MRO: variants seen among roughly 807,000 people sequenced by gnomAD.
MRO encodes maestro.
Under a neutral mutation model 31.0 loss-of-function variants are expected in MRO, and 28 were observed. The observed-to-expected ratio is 0.90, with a 90% confidence interval of 0.67 to 1.24. The LOEUF (loss-of-function observed/expected upper bound fraction) is 1.24. Among genes scored for constraint, MRO ranks in the 50% most tolerant of loss-of-function variants. The probability of loss-of-function intolerance (pLI) is 0.00; values close to 1 mark genes in which losing one functional copy is unlikely to be tolerated. For synonymous variants in MRO, 108 were observed against 108.4 expected, an observed-to-expected ratio of 1.00 and a Z score of 0.02; for missense variants, 332 against 289.2, an observed-to-expected ratio of 1.15 and a Z score of -1.07.
rs1161818079 is a variant in MRO, at chr18:50,798,488, G to A, written c.*849C>T. 1 of 152,152 alleles carries A rather than the reference G, an allele frequency of 6.6e-6. No individual in the cohort carries two copies. Among genetic ancestry groups the A allele is most frequent in the Non-Finnish European group, 1.5e-5 (1 of 68,036 alleles). 9.4% of individuals were successfully genotyped at this position (152,152 alleles called of 1,614,324 possible). On this transcript the variant is annotated 3_prime_UTR_variant, in exon 8 of 8. Coordinates refer to ENST00000398439, the MANE Select transcript of MRO (RefSeq NM_031939.6). ...TCAAGAAGTCAGACCGTACATGTTT[G>A]AATTCCAGCTCCACTGTTTACTGAG...
chr18:50,805,051 A>G (rs3764485), intron 5 of MRO, 103 bp downstream of exon 5: 96,809 of 958,508 alleles, frequency 0.1, 6,134 homozygotes, highest in South Asian at 0.23. Context: ...TCGGCCTCCC[A>G]AAGTGCTGAG....
At position 50,806,864 on chromosome 18, in the gene MRO, CAAAAATGTATTAAT is replaced by C; in HGVS notation, c.100-28_100-15del. The C allele has an allele frequency of 6.2e-7, 1 of 1,612,958 alleles. No homozygotes were observed. The highest frequency in any genetic ancestry group is 8.5e-7 in the Non-Finnish European group (1 of 1,179,510). On this transcript the variant is annotated splice_polypyrimidine_tract_variant and intron_variant, in intron 3 of 7. Transcript: ENST00000398439. ...TTTCCAAGAGACCTGGGTGATGGGTCAAAAATGTATTAATTTGGGAGTGTTCAGAGTCATACCAA... is the reference window on the plus strand; with the variant it reads ...TTTCCAAGAGACCTGGGTGATGGGTCTTGGGAGTGTTCAGAGTCATACCAA...
chr18:50,806,990 G>T, intron 3 of MRO, 140 bp from the exon 4 acceptor site: 1 of 830,520 alleles, frequency 1.2e-6, no homozygotes, highest in Non-Finnish European at 1.9e-6. Flanking sequence ...AGACGGCTGG[G>T]TTTTGTTGGA....
intron 2 of MRO, 129 bp downstream of exon 2, chr18:50,819,452 T>C: frequency 6.9e-7 from 1 of 1,445,614 alleles, no homozygotes; most frequent in Non-Finnish European, 9.1e-7. Context: ...CATTACCAAA[T>C]CCTACCCCCT....
In MRO at chr18:50,799,186, AT is replaced by A; in HGVS notation, c.*150del. ...ATAAAATCATACAATTCCATGTATT[AT>A]TTTTGCCTTTGATTGCTCTCCCAGC... On this transcript the variant is annotated 3_prime_UTR_variant, in exon 8 of 8. Transcript: ENST00000398439. 1 of 641,504 alleles carries A rather than the reference AT, an allele frequency of 1.6e-6. No individual in the cohort carries two copies. Among genetic ancestry groups the A allele is most frequent in the Non-Finnish European group, 2.8e-6 (1 of 354,182 alleles). The allele number at this position is 641,504 out of a possible 1,614,324, so 39.7% of individuals were successfully genotyped here.
chr18:50,814,006 T>G (rs564861869), intron 2 of MRO, among the ~76,000 whole-genome samples: 12 of 152,094 alleles, frequency 7.9e-5, no homozygotes, highest in Admixed American at 7.2e-4. Context: ...TTAAAAATTT[T>G]AAATTCACAT....
Position 50,799,199 on chromosome 18 carries a change from A to T in MRO, c.*138T>A. 3 of 715,420 alleles carry T rather than the reference A, an allele frequency of 4.2e-6. No individual in the cohort carries two copies. The highest frequency in any genetic ancestry group is 3.5e-5 in the South Asian group (2 of 57,400). The allele number at this position is 715,420 out of a possible 1,614,324, so 44.3% of individuals were successfully genotyped here. On this transcript the variant is annotated 3_prime_UTR_variant, in exon 8 of 8. Coordinates refer to ENST00000398439, the MANE Select transcript of MRO (RefSeq NM_031939.6). ...ATTCCATGTATTATTTTTGCCTTTG[A>T]TTGCTCTCCCAGCACCCTCTTTCCC...
intron 2 of MRO, among the ~76,000 whole-genome samples, chr18:50,810,405 T>C (rs1914376343): frequency 6.6e-6 from 1 of 152,224 alleles, no homozygotes; most frequent in African/African-American, 2.4e-5. Flanking sequence ...GTGTACAGTA[T>C]GTTACTACTC....
intron 2 of MRO, among the ~76,000 whole-genome samples, chr18:50,812,375 T>C (rs1914547387): frequency 6.6e-6 from 1 of 152,218 alleles, no homozygotes; most frequent in Non-Finnish European, 1.5e-5. Context: ...TGTCTTTTTC[T>C]GAGTTGTAAG....
rs1915025226 is a variant in MRO at position 50,817,489 on chromosome 18, T to A, written c.-5+2092A>T. Among the ~76,000 whole-genome samples, 3 of 147,004 alleles carry A rather than the reference T, an allele frequency of 2.0e-5. No individual in the cohort carries two copies. In the East Asian group the frequency reaches 6.0e-4, roughly 29 times the overall value. On this transcript the variant is annotated intron_variant, in intron 2 of 7. Coordinates refer to ENST00000398439, the MANE Select transcript of MRO (RefSeq NM_031939.6). ...GCTGGGTTGACAGAGCAAGATCCTG[T>A]CTCTAAAAAATAAAAATAAATAATA... is the stretch of plus-strand genomic sequence containing the variant.
chr18:50,806,772 G>C lies in MRO; in HGVS notation c.178C>G (p.Pro60Ala). ...FFILAERARD[P>A]SAKKRHMAMR... The stretch of plus-strand genomic sequence containing the variant: ...GCCATGTGACGCTTTTTAGCACTGG[G>C]GTCCCGAGCTCTTTCTGCCAAGATG... The change falls in exon 4 of 8, where the codon CCC becomes GCC. Residue 60 changes from proline (P) to alanine (A), a missense_variant. Pro to Ala is a conservative substitution (Grantham distance 27). Transcript: ENST00000398439. 1 of 1,614,058 alleles carries C rather than the reference G, an allele frequency of 6.2e-7. No individual in the cohort carries two copies. The highest frequency in any genetic ancestry group is 8.5e-7 in the Non-Finnish European group (1 of 1,180,008).
chr18:50,809,494 T>C, intron 2 of MRO, 90 bp from the exon 3 acceptor site: 1 of 851,382 alleles, frequency 1.2e-6, no homozygotes, highest in Non-Finnish European at 1.8e-6. Context: ...GGGGTAAGAA[T>C]ATAAAGAGGC....
chr18:50,819,787 C>T, intron 1 of MRO, 85 bp from the exon 2 acceptor site: 1 of 1,544,368 alleles, frequency 6.5e-7, no homozygotes, highest in Non-Finnish European at 8.8e-7. Context: ...AAGTGAGAAT[C>T]AAATAAGAGG....
chr18:50,795,394 C>A lies in MRO; in HGVS notation c.*3943G>T, dbSNP rs17663175. On this transcript the variant is annotated 3_prime_UTR_variant, in exon 8 of 8. Transcript: ENST00000398439. ...AGCAAACTTAGAAAATGCAGAAATG[C>A]ACAAATATCTGTCTTCTGTACAACA... The A allele has an allele frequency of 6.6e-6, 1 of 152,094 alleles. No individual in the cohort carries two copies. Among genetic ancestry groups the A allele is most frequent in the Non-Finnish European group, 1.5e-5 (1 of 68,012 alleles). The allele number at this position is 152,094 out of a possible 1,614,324, so 9.4% of individuals were successfully genotyped here.
chr18:50,801,806 C>A (rs544617881), intron 5 of MRO, among the ~76,000 whole-genome samples: 1 of 152,154 alleles, frequency 6.6e-6, no homozygotes, highest in South Asian at 2.1e-4. Context: ...ATTTTTTGTT[C>A]GTTATTTCAT....
chr18:50,817,049 T>C lies in MRO; in HGVS notation c.-5+2532A>G, dbSNP rs187370738. Among the ~76,000 whole-genome samples, 65 of 152,286 alleles carry C rather than the reference T, an allele frequency of 4.3e-4. No individual in the cohort carries two copies. The South Asian group carries it at 4.8e-3, about 11-fold the overall frequency. ...AACCAAGCAGCCAGCATCGCCTTCA[T>C]AGGCGTAAGTAGAACTCAAGGTCAT... is the stretch of plus-strand genomic sequence containing the variant. On this transcript the variant is annotated intron_variant, in intron 2 of 7. Transcript: ENST00000398439.
At chr18:50,811,999 C>T (rs895707644) in intron 2 of MRO, among the ~76,000 whole-genome samples, 3 of 152,124 alleles carry the variant, frequency 2.0e-5, no homozygotes, top group Non-Finnish European at 4.4e-5. Context: ...ACCTCAGCCT[C>T]CCAAGTGTCA....
chr18:50,808,190 A>G (rs1312105189), intron 3 of MRO, among the ~76,000 whole-genome samples: 2 of 152,204 alleles, frequency 1.3e-5, no homozygotes, highest in Admixed American at 6.5e-5. Context: ...TGGCAAGCCT[A>G]TGAGCTCTCA....
intron 5 of MRO, 140 bp from the exon 6 acceptor site, chr18:50,801,644 C>A: frequency 2.5e-6 from 2 of 789,344 alleles, no homozygotes; most frequent in Non-Finnish European, 3.9e-6. Context: ...CTTGACTGTA[C>A]ATTACAGGGT....
Sources: gnomAD v4.1 joint callset for allele counts (sites outside exome capture counted in the v4.1 genomes callset) on GRCh38, gnomAD v4.1.1 for gene constraint, MANE v1.5 for transcripts, NCBI Gene and HGNC (gene_info 2026-07-23, HGNC 2026-07-21) for gene names.